Variants in STK32C observed in about 807,000 individuals in gnomAD.
STK32C encodes the protein serine/threonine-protein kinase 32C.
STK32C carries 31 observed loss-of-function variants against 56.5 expected under a neutral mutation model. The ratio of observed to expected loss-of-function variants is 0.55; its 90% CI spans 0.41 to 0.74. The LOEUF (loss-of-function observed/expected upper bound fraction) is 0.74, where lower values mean the gene tolerates loss of function less well. STK32C is among the 30% of genes least tolerant of loss of function. STK32C has a pLI of 0.00. For missense variants in STK32C, 544 were observed against 676.9 expected, an observed-to-expected ratio of 0.80 and a Z score of 2.18; for synonymous variants, 309 against 289.4, an observed-to-expected ratio of 1.07 and a Z score of -0.69.
At chr10:132,293,755 G>C (rs541860871) in intron 1 of STK32C, among the ~76,000 whole-genome samples, 1 of 152,364 alleles carries the variant, frequency 6.6e-6, no homozygotes, top group South Asian at 2.1e-4. Flanking sequence ...GAGCCCAGCA[G>C]GTGGGAGGTC....
intron 2 of STK32C, among the ~76,000 whole-genome samples, chr10:132,235,854 G>C (rs1001577909): frequency 6.6e-6 from 1 of 152,148 alleles, no homozygotes; most frequent in Non-Finnish European, 1.5e-5. Context: ...CGTTGTTTCA[G>C]GTGTGGAAAA....
At chr10:132,240,950 G>A (rs924582347) in intron 2 of STK32C, among the ~76,000 whole-genome samples, 2 of 152,182 alleles carry the variant, frequency 1.3e-5, no homozygotes, top group Non-Finnish European at 2.9e-5. Context: ...CCTGATAGCT[G>A]TGCCCATCAG....
intron 2 of STK32C, among the ~76,000 whole-genome samples, chr10:132,244,006 T>C (rs1360764791): frequency 6.6e-6 from 1 of 152,210 alleles, no homozygotes; most frequent in African/African-American, 2.4e-5. Flanking sequence ...AGGCCACATG[T>C]GAGCAGACAC....
At chr10:132,331,917 C>G (rs1264030897), upstream of STK32C, 9 of 367,936 alleles carry the variant, frequency 2.4e-5, no homozygotes, top group Non-Finnish European at 4.0e-5. Flanking sequence ...CGCACCACAA[C>G]CCCCCCACCG....
chr10:132,262,244 A>G (rs2064327326), intron 1 of STK32C, among the ~76,000 whole-genome samples: 1 of 152,242 alleles, frequency 6.6e-6, no homozygotes, highest in Admixed American at 6.5e-5. Flanking sequence ...GAGCCACATG[A>G]GGAAGAATGA....
At chr10:132,225,671 G>C in intron 5 of STK32C, 55 bp from the exon 6 acceptor site, 5 of 1,609,340 alleles carry the variant, frequency 3.1e-6, no homozygotes, top group Non-Finnish European at 3.4e-6. Context: ...GCATCCTTGC[G>C]TGCAGGATCC....
intron 1 of STK32C, among the ~76,000 whole-genome samples, chr10:132,318,431 C>T (rs570637537): frequency 2.3e-4 from 35 of 151,946 alleles, no homozygotes; most frequent in African/African-American, 6.3e-4. Context: ...GCCCAGCCAA[C>T]ATAGGAAAAC....
chr10:132,285,133 C>T (rs2065360593), intron 1 of STK32C, among the ~76,000 whole-genome samples: 1 of 150,910 alleles, frequency 6.6e-6, no homozygotes, highest in African/African-American at 2.4e-5. Context: ...AGGCATGAAC[C>T]CGGAACACAT....
At chr10:132,266,737 C>A (rs1416343986) in intron 1 of STK32C, among the ~76,000 whole-genome samples, 1 of 151,418 alleles carries the variant, frequency 6.6e-6, no homozygotes, top group Non-Finnish European at 1.5e-5. Flanking sequence ...GGGAGGCTAG[C>A]TCCATGGGGT....
In STK32C at chr10:132,228,026, C is replaced by T; in HGVS notation, c.421G>A (p.Glu141Lys). ...TCGATCTCCTGCAGGATCTCCAGCT[C>T]CCGGAAGACGTTGCGGACCTCGTCG... ...ERDEVRNVFR[E>K]LEILQEIEHV... The change falls in exon 3 of 12, where the codon GAG (glutamate) becomes AAG (lysine). Residue 141 changes from glutamate to lysine, a missense_variant. Glu to Lys is a moderately conservative substitution (Grantham distance 56, BLOSUM62 1). This residue lies in a region of STK32C where 182 missense variants were observed against 217.7 expected (regional missense o/e 0.84). Coordinates refer to ENST00000298630, the MANE Select transcript of STK32C (RefSeq NM_173575.4). 6.2e-7 allele frequency: 1 copy of T among 1,613,928 alleles called. No individual in the cohort carries two copies. The highest frequency in any genetic ancestry group is 1.1e-5 in the South Asian group (1 of 91,090).
At position 132,207,783 on chromosome 10, in the gene STK32C, G is replaced by T; in HGVS notation, c.*227C>A. 1 of 467,462 alleles carries T rather than the reference G, an allele frequency of 2.1e-6. No homozygotes were observed. The highest frequency in any genetic ancestry group is 3.4e-6 in the Non-Finnish European group (1 of 293,202). 29.0% of individuals were successfully genotyped at this position (467,462 alleles called of 1,614,324 possible). A position where few individuals can be genotyped will look rare whatever the true frequency, so the allele number is the denominator to read the frequency against. ...CAGCAGCGCTTCCTCCATCTAGGCG[G>T]GTCTCGGGGGCCCACGGGAAATGCC... On this transcript the variant is annotated 3_prime_UTR_variant, in exon 12 of 12. Transcript: ENST00000298630.
At chr10:132,230,792 C>T (rs1317623283) in intron 2 of STK32C, among the ~76,000 whole-genome samples, 1 of 152,120 alleles carries the variant, frequency 6.6e-6, no homozygotes, top group East Asian at 1.9e-4. Flanking sequence ...TTGTGCACCA[C>T]CCCAGAAAGC....
chr10:132,277,358 G>T (rs548817949), intron 1 of STK32C, among the ~76,000 whole-genome samples: 2 of 152,358 alleles, frequency 1.3e-5, no homozygotes, highest in African/African-American at 4.8e-5. Context: ...ATTCCTGTGC[G>T]GGGAGGTGGC....
intron 1 of STK32C, among the ~76,000 whole-genome samples, chr10:132,266,948 C>A (rs1453028230): frequency 6.6e-6 from 1 of 152,144 alleles, no homozygotes; most frequent in Non-Finnish European, 1.5e-5. Context: ...GCGGACGAGG[C>A]CGCAGAGGAA....
upstream of STK32C, among the ~76,000 whole-genome samples, chr10:132,309,099 G>A (rs1024834556): frequency 2.0e-5 from 3 of 152,172 alleles, no homozygotes; most frequent in Non-Finnish European, 4.4e-5. Context: ...ATGGCTCCAA[G>A]GCCAGTGTCT....
upstream of STK32C, among the ~76,000 whole-genome samples, chr10:132,308,190 A>G (rs2066145287): frequency 6.6e-6 from 1 of 151,274 alleles, no homozygotes; most frequent in African/African-American, 2.4e-5. Flanking sequence ...CAGTCTAGGG[A>G]TGGGGGCTGT....
chr10:132,245,836 T>C (rs2063668027), intron 2 of STK32C, 64 bp downstream of exon 2: 3 of 1,516,048 alleles, frequency 2.0e-6, no homozygotes, highest in East Asian at 2.3e-5. Flanking sequence ...GGGGACAGCA[T>C]GTCCGACTCC....
At chr10:132,272,691 C>T (rs370983355) in intron 1 of STK32C, among the ~76,000 whole-genome samples, 9 of 152,316 alleles carry the variant, frequency 5.9e-5, no homozygotes, top group East Asian at 5.8e-4. Context: ...CTGGTCTCCC[C>T]GCCTCCACCC....
chr10:132,279,651 C>CT (rs1033464483), intron 1 of STK32C, among the ~76,000 whole-genome samples: 22 of 122,382 alleles, frequency 1.8e-4, no homozygotes, highest in Non-Finnish European at 2.8e-4. Flanking sequence ...GATCATGCCA[C>CT]TCCTCCATGA....
Sources: gnomAD v4.1 joint callset for allele counts (sites outside exome capture counted in the v4.1 genomes callset) on GRCh38, gnomAD v4.1.1 for gene constraint, gnomAD v4.1.1 regional missense constraint, MANE v1.5 for transcripts, NCBI Gene and HGNC (gene_info 2026-07-23, HGNC 2026-07-21) for gene names.